ULK1: variants seen among roughly 807,000 people sequenced by gnomAD.
ULK1 encodes the protein unc-51 like autophagy activating kinase 1, also known as serine/threonine-protein kinase ULK1.
In ULK1, 48 loss-of-function variants were observed where a neutral mutation model predicts 117.5. The ratio of observed to expected loss-of-function variants is 0.41; its 90% CI spans 0.32 to 0.52. ULK1 has a LOEUF of 0.52. Ranked by LOEUF, ULK1 falls within the 20% of genes least tolerant of loss-of-function variation. The pLI, the probability that ULK1 is intolerant of heterozygous loss-of-function variation, is 0.29. For missense variants in ULK1, 1,387 were observed against 1,473.4 expected (o/e 0.94, Z 0.96); for synonymous variants, 790 against 637.8 (o/e 1.24, Z -3.60).
intron 3 of ULK1, among the ~76,000 whole-genome samples, chr12:131,905,131 C>T (rs763496460): frequency 1.4e-4 from 22 of 152,236 alleles, no homozygotes; most frequent in Non-Finnish European, 2.2e-4. Flanking sequence ...CCCTCTGGGC[C>T]GGCCCTGCAG....
Position 131,916,996 on chromosome 12 carries a change from G to T in ULK1, c.2116G>T (p.Ala706Ser). 6.2e-7 allele frequency: 1 copy of T among 1,611,492 alleles called. No homozygotes were observed. The highest frequency in any genetic ancestry group is 8.5e-7 in the Non-Finnish European group (1 of 1,179,592). The part of the protein sequence containing the change: ...SRLTDLLLKA[A>S]FGTQAPDPGS... ...CCTCACTGACCTGCTCCTTAAGGCG[G>T]CGTTTGGGACACAAGCCCCGGACCC... The change falls in exon 21 of 28, where the codon GCG (alanine) becomes TCG (serine). Residue 706 changes from alanine (A) to serine (S), a missense_variant. Physicochemically the swap from Ala to Ser is moderately conservative, Grantham distance 99 (BLOSUM62 1). Transcript: ENST00000321867.
Position 131,901,231 on chromosome 12 carries a change from C to T in ULK1, c.246+5407C>T, listed in dbSNP as rs567328609. 1.1e-4 allele frequency among the ~76,000 whole-genome samples: 17 copies of T among 151,676 alleles called. No homozygotes were observed. The South Asian group carries it at 1.7e-3, about 15-fold the overall frequency. ...AAAATTAGCTGGGCGTGGTGGTGGG[C>T]GCCTGTAGTCCCAGCTACTTGTGAG... is the stretch of plus-strand genomic sequence containing the variant. On this transcript the variant is annotated intron_variant, in intron 3 of 27. Coordinates refer to ENST00000321867, the MANE Select transcript of ULK1 (RefSeq NM_003565.4).
At position 131,921,080 on chromosome 12, in the gene ULK1, G is replaced by A. The variant is rs1890128862; in HGVS notation, c.2962-20G>A. 37 of 1,573,360 alleles carry A rather than the reference G, an allele frequency of 2.4e-5. No individual in the cohort carries two copies. The highest frequency in any genetic ancestry group is 3.0e-5 in the Non-Finnish European group (35 of 1,163,396). On this transcript the variant is annotated intron_variant, in intron 26 of 27. Transcript: ENST00000321867. ...GAGTGGGGTGAGCTGGCCCTGTCCA[G>A]CCTCTGTCCTCGCCCCCAGGTGCAG... is the stretch of plus-strand genomic sequence containing the variant.
Position 131,908,918 on chromosome 12 carries a change from T to C in ULK1, c.511T>C (p.Tyr171His), listed in dbSNP as rs2136391536. 2 of 1,611,800 alleles carry C rather than the reference T, an allele frequency of 1.2e-6. No individual in the cohort carries two copies. Among genetic ancestry groups the C allele is most frequent in the South Asian group, 1.1e-5 (1 of 91,090 alleles). Residue 171 changes from tyrosine (Y) to histidine (H), a missense_variant, in exon 7 of 28, where the codon TAC becomes CAC. Physicochemically the swap from Tyr to His is moderately conservative, Grantham distance 83 (BLOSUM62 2). Around this residue, in one of 4 missense-constraint regions of ULK1, gnomAD observed 224 missense variants for 325.2 expected, o/e 0.69. Coordinates refer to ENST00000321867, the MANE Select transcript of ULK1 (RefSeq NM_003565.4). ...VKIADFGFAR[Y>H]LQSNMMAATL... Reference sequence around the variant, plus strand: ...CGCAGCTGACTTCGGCTTCGCGCGGTACCTCCAGAGCAACATGATGGCGGC... The same window carrying C: ...CGCAGCTGACTTCGGCTTCGCGCGGCACCTCCAGAGCAACATGATGGCGGC...
rs756445955 is a variant in ULK1, at chr12:131,907,483, G to A, written c.280-12G>A. ...CCCTGCTGCAGCCTGATGCGTGTCT[G>A]GTCTCTTGCAGTACTGCAACGGTGG... On this transcript the variant is annotated splice_polypyrimidine_tract_variant and intron_variant, in intron 4 of 27. Coordinates refer to ENST00000321867, the MANE Select transcript of ULK1 (RefSeq NM_003565.4). The A allele has an allele frequency of 5.0e-6, 8 of 1,612,578 alleles. No homozygotes were observed. Among genetic ancestry groups the A allele is most frequent in the Non-Finnish European group, 6.8e-6 (8 of 1,179,580 alleles).
chr12:131,915,273 C>G, intron 17 of ULK1, 42 bp downstream of exon 17: 1 of 1,608,426 alleles, frequency 6.2e-7, no homozygotes, highest in Non-Finnish European at 8.5e-7. Context: ...CGTCTGTAGG[C>G]AGTGGGTGAG....
chr12:131,919,088 C>A, intron 23 of ULK1, 124 bp from the exon 24 acceptor site: 1 of 1,131,658 alleles, frequency 8.8e-7, no homozygotes, highest in Non-Finnish European at 1.2e-6. Context: ...TCCCAGCTGC[C>A]CGGGCTGCAG....
Position 131,915,156 on chromosome 12 carries a change from C to T in ULK1, c.1447C>T (p.His483Tyr), listed in dbSNP as rs1323118556. The T allele has an allele frequency of 1.2e-6, 2 of 1,605,938 alleles. No homozygotes were observed. The highest frequency in any genetic ancestry group is 2.2e-5 in the South Asian group (2 of 90,020). The change falls in exon 17 of 28, where the codon CAC becomes TAC. Residue 483 changes from histidine (H) to tyrosine (Y), a missense_variant. Around this residue, in one of 4 missense-constraint regions of ULK1, gnomAD observed 900 missense variants for 858.9 expected, o/e 1.05. Transcript: ENST00000321867. The part of the protein sequence containing the change: ...FARASPSPPA[H>Y]AEHGGVLARK... ...AAGGGCCAGCCCCTCGCCCCCTGCCCACGCTGAGCATGGAGGCGTCCTGGC... is the reference window on the plus strand; with the variant it reads ...AAGGGCCAGCCCCTCGCCCCCTGCCTACGCTGAGCATGGAGGCGTCCTGGC...
At chr12:131,918,370 G>A (rs557822307) in intron 22 of ULK1, 127 bp from the exon 23 acceptor site, 2 of 1,138,278 alleles carry the variant, frequency 1.8e-6, no homozygotes, top group African/African-American at 3.1e-5. Flanking sequence ...TGGAGCATTG[G>A]GATATAACAG....
chr12:131,919,765 C>T, intron 25 of ULK1, 175 bp downstream of exon 25: 1 of 1,018,590 alleles, frequency 9.8e-7, no homozygotes, highest in Non-Finnish European at 1.4e-6. Context: ...TCGGACAGCA[C>T]CCTGGAGCCC....
chr12:131,906,965 C>T, intron 4 of ULK1, 41 bp downstream of exon 4: 2 of 1,613,692 alleles, frequency 1.2e-6, no homozygotes, highest in African/African-American at 1.3e-5. Context: ...AGGCTGATGG[C>T]CATGGCCCTG....
At chr12:131,915,305 G>A in intron 17 of ULK1, 30 bp from the exon 18 acceptor site, 1 of 1,612,092 alleles carries the variant, frequency 6.2e-7, no homozygotes. Flanking sequence ...TGTCCCAGCT[G>A]GACCCTGACA....
intron 3 of ULK1, chr12:131,897,579 C>T (rs977901799): frequency 6.6e-6 from 1 of 152,174 alleles, no homozygotes; most frequent in Non-Finnish European, 1.5e-5. Flanking sequence ...GGCCCTGTCT[C>T]TAAAAGAGTA....
Position 131,917,032 on chromosome 12 carries a change from G to A in ULK1, c.2152G>A (p.Glu718Lys). ...GTQAPDPGST[E>K]SLQEKPMEIA... ...ACAAGCCCCGGACCCGGGCAGCACG[G>A]AGAGCCTGCAGGAGAAGCCCATGGA... Residue 718 changes from glutamate to lysine, a missense_variant, in exon 21 of 28, where the codon GAG becomes AAG. By Grantham distance (56) the Glu-to-Lys change is moderately conservative. This residue lies in a region of ULK1 where 900 missense variants were observed against 858.9 expected (regional missense o/e 1.05). Transcript: ENST00000321867. The A allele has an allele frequency of 6.2e-7, 1 of 1,605,872 alleles. No individual in the cohort carries two copies. The highest frequency in any genetic ancestry group is 1.1e-5 in the South Asian group (1 of 90,782).
chr12:131,907,584 A>G (rs1249915034), intron 5 of ULK1, 53 bp downstream of exon 5: 6 of 1,580,802 alleles, frequency 3.8e-6, no homozygotes, highest in Middle Eastern at 2.1e-4. Context: ...CAGGGCCCGC[A>G]CCCAGGGCCA....
intron 3 of ULK1, among the ~76,000 whole-genome samples, chr12:131,896,082 C>G (rs1336737580): frequency 6.6e-6 from 1 of 152,218 alleles, no homozygotes; most frequent in African/African-American, 2.4e-5. Context: ...GGCATCCCCT[C>G]CCCGCCGGGC....
chr12:131,895,176 G>A (rs1593255305), intron 1 of ULK1, 64 bp downstream of exon 1: 1 of 788,376 alleles, frequency 1.3e-6, no homozygotes. Flanking sequence ...TCCCCGCCCC[G>A]AGATTCCCCG....
At chr12:131,907,459 C>T in intron 4 of ULK1, 36 bp from the exon 5 acceptor site, 1 of 1,609,904 alleles carries the variant, frequency 6.2e-7, no homozygotes, top group Admixed American at 1.7e-5. Flanking sequence ...GGCCCTGGGC[C>T]CTGCTGCAGC....
At chr12:131,910,654 C>T (rs114939754) in intron 11 of ULK1, 58 bp from the exon 12 acceptor site, 9 of 1,612,520 alleles carry the variant, frequency 5.6e-6, no homozygotes, top group East Asian at 4.5e-5. Flanking sequence ...TGGGTTGGCT[C>T]GAGGGTGAGG....
Sources: allele counts gnomAD v4.1 joint callset (sites outside exome capture counted in the v4.1 genomes callset), GRCh38; gene constraint gnomAD v4.1.1; regional missense constraint gnomAD v4.1.1; transcripts MANE v1.5; gene names NCBI Gene and HGNC (gene_info 2026-07-23, HGNC 2026-07-21).